Variants in ADAM12 observed in about 807,000 individuals in gnomAD.
The protein encoded by ADAM12 is disintegrin and metalloproteinase domain-containing protein 12.
ADAM12 carries 70 observed loss-of-function variants against 106.4 expected under a neutral mutation model. The ratio of observed to expected loss-of-function variants is 0.66; its 90% CI spans 0.54 to 0.80. ADAM12 has a LOEUF of 0.80. Ranked by LOEUF, ADAM12 falls within the 30% of genes least tolerant of loss-of-function variation. The pLI is 0.00. For synonymous variants in ADAM12, 420 were observed against 433.5 expected (o/e 0.97, Z 0.39); for missense variants, 1,010 against 1,171.9 (o/e 0.86, Z 2.02).
intron 3 of ADAM12, among the ~76,000 whole-genome samples, chr10:126,237,487 A>T (rs1236538562): frequency 2.0e-5 from 3 of 152,148 alleles, no homozygotes; most frequent in African/African-American, 7.2e-5. Flanking sequence ...TTTTGAAGCA[A>T]ATCCCAGATA....
chr10:126,019,735 G>T lies in ADAM12; in HGVS notation c.2620C>A (p.Pro874Thr). Reference protein sequence around the residue: ...TRLTHALARTPGQWETGLRLA... With the variant: ...TRLTHALARTTGQWETGLRLA... Reference sequence around the variant, plus strand: ...CGGAGCCCAGTCTCCCATTGTCCTGGGGTCCTGGCCAAGGCATGAGTGAGC... The same window carrying T: ...CGGAGCCCAGTCTCCCATTGTCCTGTGGTCCTGGCCAAGGCATGAGTGAGC... Residue 874 changes from proline (P) to threonine (T), a missense_variant, in exon 22 of 23, where the codon CCA becomes ACA. This residue lies in a region of ADAM12 where 615 missense variants were observed against 708.5 expected (regional missense o/e 0.87). Transcript: ENST00000448723. The T allele has an allele frequency of 8.7e-6, 14 of 1,614,142 alleles. No homozygotes were observed. The highest frequency in any genetic ancestry group is 1.2e-5 in the Non-Finnish European group (14 of 1,180,014).
At chr10:126,290,891 A>G (rs886293359) in intron 2 of ADAM12, among the ~76,000 whole-genome samples, 2 of 152,210 alleles carry the variant, frequency 1.3e-5, no homozygotes, top group African/African-American at 4.8e-5. Context: ...GAAGACCTGT[A>G]AGATGCAGCA....
Position 126,190,580 on chromosome 10 carries a change from T to C in ADAM12, c.261-35275A>G, listed in dbSNP as rs554852325. On this transcript the variant is annotated intron_variant, in intron 3 of 22. Transcript: ENST00000448723. ...GGAATTTCACCAAAATTCATGTGTA[T>C]GCTTCTGCCCTTTGGGAGGTTCAAA... Among the ~76,000 whole-genome samples the C allele has an allele frequency of 3.5e-3, 530 of 152,282 alleles. 4 individuals are homozygous for C. The highest frequency in any genetic ancestry group is 0.012 in the African/African-American group (506 of 41,574).
chr10:126,034,169 G>T (rs1247448773), intron 21 of ADAM12, among the ~76,000 whole-genome samples: 1 of 152,174 alleles, frequency 6.6e-6, no homozygotes, highest in Non-Finnish European at 1.5e-5. Flanking sequence ...AGTAGACTGT[G>T]ATAAAGTAAG....
intron 12 of ADAM12, among the ~76,000 whole-genome samples, chr10:126,067,342 G>A (rs1333060721): frequency 1.3e-5 from 2 of 152,240 alleles, no homozygotes; most frequent in Non-Finnish European, 2.9e-5. Flanking sequence ...AGCAGCCCGG[G>A]TAAGTTGTCT....
chr10:126,198,677 T>C (rs1957643721), intron 3 of ADAM12, among the ~76,000 whole-genome samples: 1 of 152,242 alleles, frequency 6.6e-6, no homozygotes. Flanking sequence ...CTGGCACGCA[T>C]CCTTGCAAAG....
At chr10:126,302,959 G>A (rs555779267) in intron 2 of ADAM12, among the ~76,000 whole-genome samples, 1 of 152,156 alleles carries the variant, frequency 6.6e-6, no homozygotes, top group South Asian at 2.1e-4. Flanking sequence ...GAGGGGGCAT[G>A]GTTTTGGAAC....
intron 3 of ADAM12, among the ~76,000 whole-genome samples, chr10:126,201,495 A>C (rs751282198): frequency 6.6e-5 from 10 of 152,150 alleles, no homozygotes; most frequent in Non-Finnish European, 1.5e-4. Flanking sequence ...TTCCTCCCAG[A>C]GCCTTGGGAG....
chr10:126,299,855 G>A (rs2133796361), intron 2 of ADAM12, among the ~76,000 whole-genome samples: 1 of 152,176 alleles, frequency 6.6e-6, no homozygotes, highest in African/African-American at 2.4e-5. Context: ...TGTTGGCCAG[G>A]CTGGTCTTGA....
In ADAM12 at chr10:126,347,158, T is replaced by C. The variant is rs548052035; in HGVS notation, c.89-16649A>G. 2.6e-5 allele frequency among the ~76,000 whole-genome samples: 4 copies of C among 152,352 alleles called. No individual in the cohort carries two copies. The East Asian group carries it at 7.7e-4, about 29-fold the overall frequency. On this transcript the variant is annotated intron_variant, in intron 1 of 22. Transcript: ENST00000448723. ...TTTGGCATGTTTTTGCAGTGGCTGATACCGGTTGTTCCTTTCCATGTTTAG... is the reference window on the plus strand; with the variant it reads ...TTTGGCATGTTTTTGCAGTGGCTGACACCGGTTGTTCCTTTCCATGTTTAG...
At chr10:126,368,200 A>C (rs1363829970) in intron 1 of ADAM12, among the ~76,000 whole-genome samples, 1 of 151,882 alleles carries the variant, frequency 6.6e-6, no homozygotes, top group East Asian at 1.9e-4. Flanking sequence ...TAATTTGTGA[A>C]ACCTAGGTAG....
Position 126,039,293 on chromosome 10 carries a change from C to T in ADAM12, c.2240+1G>A. On this transcript the variant is annotated splice_donor_variant, in intron 19 of 22. Transcript: ENST00000448723. LOFTEE classifies it high-confidence loss of function. ...CAGATGACAAGCTAAACCCAGGGTA[C>T]CTTAGTTTTTCAATGGTGGTCTTCT... 6.2e-7 allele frequency: 1 copy of T among 1,613,710 alleles called. No homozygotes were observed. The highest frequency in any genetic ancestry group is 8.5e-7 in the Non-Finnish European group (1 of 1,179,820).
chr10:126,111,398 A>G (rs1046541824), intron 6 of ADAM12, among the ~76,000 whole-genome samples: 4 of 152,222 alleles, frequency 2.6e-5, no homozygotes, highest in Non-Finnish European at 5.9e-5. Flanking sequence ...AAGTGTGAAG[A>G]TCTTGCCCTT....
intron 3 of ADAM12, among the ~76,000 whole-genome samples, chr10:126,214,330 G>A (rs926837496): frequency 6.6e-6 from 1 of 152,164 alleles, no homozygotes; most frequent in Non-Finnish European, 1.5e-5. Flanking sequence ...TCTGTAACGT[G>A]GGGGAGGGTA....
In ADAM12 at chr10:126,240,491, T is replaced by C. The variant is rs557964560; in HGVS notation, c.260+38424A>G. ...CACACGACAAGTGCAGAATCATAAA[T>C]GAGGAGATGCAGTTTAAAGGGAAAG... On this transcript the variant is annotated intron_variant, in intron 3 of 22. Transcript: ENST00000448723. 2.6e-5 allele frequency among the ~76,000 whole-genome samples: 4 copies of C among 152,214 alleles called. No individual in the cohort carries two copies. In the South Asian group the frequency reaches 8.3e-4, roughly 32 times the overall value.
At chr10:126,149,191 G>A (rs1956684413) in intron 4 of ADAM12, among the ~76,000 whole-genome samples, 1 of 152,216 alleles carries the variant, frequency 6.6e-6, no homozygotes, top group Non-Finnish European at 1.5e-5. Flanking sequence ...CTGTGCACAT[G>A]TGAATCAGAG....
intron 3 of ADAM12, among the ~76,000 whole-genome samples, chr10:126,268,784 G>A (rs1320257851): frequency 6.6e-6 from 1 of 152,018 alleles, no homozygotes. Flanking sequence ...TGGCCTCCTG[G>A]GGCATGATAC....
intron 21 of ADAM12, among the ~76,000 whole-genome samples, chr10:126,020,919 G>C (rs552132319): frequency 6.6e-6 from 1 of 150,744 alleles, no homozygotes; most frequent in African/African-American, 2.4e-5. Flanking sequence ...CTTGAACCCG[G>C]GAGGCAGAGG....
At chr10:126,283,829 G>A (rs528718060) in intron 2 of ADAM12, among the ~76,000 whole-genome samples, 91 of 152,184 alleles carry the variant, frequency 6.0e-4, no homozygotes, top group African/African-American at 2.2e-3. Flanking sequence ...AATCCTTCAT[G>A]GTTTAAAGTC....
Sources: gnomAD v4.1 joint callset for allele counts (sites outside exome capture counted in the v4.1 genomes callset) on GRCh38, gnomAD v4.1.1 for gene constraint, gnomAD v4.1.1 regional missense constraint, MANE v1.5 for transcripts, NCBI Gene and HGNC (gene_info 2026-07-23, HGNC 2026-07-21) for gene names.